Variants in KIF13B observed in about 807,000 individuals in gnomAD.
The protein encoded by KIF13B is kinesin-like protein KIF13B.
Under a neutral mutation model 222.0 loss-of-function variants are expected in KIF13B, and 127 were observed. The ratio of observed to expected loss-of-function variants is 0.57; its 90% CI spans 0.50 to 0.66. The LOEUF (loss-of-function observed/expected upper bound fraction) is 0.66, where lower values mean the gene tolerates loss of function less well. Among genes scored for constraint, KIF13B ranks in the 30% least tolerant of loss-of-function variants. KIF13B has a pLI of 0.00. For synonymous variants in KIF13B, 976 were observed against 919.0 expected, an observed-to-expected ratio of 1.06 and a Z score of -1.12; for missense variants, 2,173 against 2,379.0, an observed-to-expected ratio of 0.91 and a Z score of 1.80.
chr8:29,135,937 G>A (rs1194688526), intron 21 of KIF13B, among the ~76,000 whole-genome samples: 1 of 142,914 alleles, frequency 7.0e-6, no homozygotes, highest in African/African-American at 2.6e-5. Context: ...GAGAAGTATT[G>A]ATGACACACA....
rs1441937748 is a variant in KIF13B at position 29,118,873 on chromosome 8, C to T, written c.3655G>A (p.Gly1219Arg). 1.2e-5 allele frequency: 19 copies of T among 1,613,764 alleles called. No individual in the cohort carries two copies. The highest frequency in any genetic ancestry group is 1.4e-5 in the Non-Finnish European group (17 of 1,179,820). ...FELQIVKQHDGEVKAEASWDS... is the reference protein window; with the variant it reads ...FELQIVKQHDREVKAEASWDS... ...CCAAGTTAGGCTTTCCTTACCTCCC[C>T]ATCATGCTGCTTCACAATCTGCAAT... The change falls in exon 30 of 40, where the codon GGG becomes AGG. Residue 1219 changes from glycine to arginine, a missense_variant. Physicochemically the swap from Gly to Arg is moderately radical, Grantham distance 125 (BLOSUM62 -2). Transcript: ENST00000524189.
chr8:29,125,309 A>G (rs1423097225), intron 26 of KIF13B, among the ~76,000 whole-genome samples: 1 of 152,160 alleles, frequency 6.6e-6, no homozygotes, highest in Non-Finnish European at 1.5e-5. Flanking sequence ...TCCTTTTCTA[A>G]TAAGGTTACA....
intron 5 of KIF13B, 140 bp downstream of exon 5, chr8:29,188,375 G>T (rs547613292): frequency 1.8e-6 from 1 of 550,072 alleles, no homozygotes; most frequent in Non-Finnish European, 3.2e-6. Flanking sequence ...TAATGTTACT[G>T]ACTACTTTCA....
At chr8:29,144,329 C>T (rs536752555) in intron 18 of KIF13B, among the ~76,000 whole-genome samples, 5 of 152,128 alleles carry the variant, frequency 3.3e-5, no homozygotes, top group African/African-American at 1.2e-4. Context: ...GGCCCAATCT[C>T]GGCTCACTGC....
At chr8:29,109,363 A>G in intron 34 of KIF13B, 71 bp downstream of exon 34, 2 of 1,203,664 alleles carry the variant, frequency 1.7e-6, no homozygotes, top group Non-Finnish European at 2.5e-6. Flanking sequence ...CGGGTGGAGA[A>G]GAGTTACCCA....
rs551681642 is a variant in KIF13B at position 29,107,753 on chromosome 8, G to A, written c.4215+386C>T. ...TTTTTTGTATTTTTAGTAGAGACGGGGTTTCACCGTGTTAGCCAGGATGGT... is the reference window on the plus strand; with the variant it reads ...TTTTTTGTATTTTTAGTAGAGACGGAGTTTCACCGTGTTAGCCAGGATGGT... On this transcript the variant is annotated intron_variant, in intron 35 of 39. Coordinates refer to ENST00000524189, the MANE Select transcript of KIF13B (RefSeq NM_015254.4). Among the ~76,000 whole-genome samples, 14 of 151,914 alleles carry A rather than the reference G, an allele frequency of 9.2e-5. No homozygotes were observed. The East Asian group carries it at 2.2e-3, about 23-fold the overall frequency.
chr8:29,155,720 T>C lies in KIF13B; in HGVS notation c.1535+6A>G, dbSNP rs768834557. On this transcript the variant is annotated splice_donor_region_variant and intron_variant, in intron 14 of 39. Transcript: ENST00000524189. ...TGTGATATGAACACTAATTCAAGTATGTTACCTGGTGTTCTTCTGAGGAGT... is the reference window on the plus strand; with the variant it reads ...TGTGATATGAACACTAATTCAAGTACGTTACCTGGTGTTCTTCTGAGGAGT... 4 of 1,601,924 alleles carry C rather than the reference T, an allele frequency of 2.5e-6. No homozygotes were observed. The highest frequency in any genetic ancestry group is 4.5e-5 in the East Asian group (2 of 44,652).
intron 2 of KIF13B, 148 bp from the exon 3 acceptor site, chr8:29,196,347 C>A: frequency 1.4e-6 from 1 of 698,292 alleles, no homozygotes; most frequent in Non-Finnish European, 2.4e-6. Flanking sequence ...CCTTTGAAGC[C>A]ACATAGTAAT....
chr8:29,206,900 C>T (rs923558118), intron 2 of KIF13B, among the ~76,000 whole-genome samples: 6 of 152,134 alleles, frequency 3.9e-5, no homozygotes, highest in African/African-American at 1.2e-4. Flanking sequence ...AGAAGCCTTG[C>T]TGAAAGGACG....
At chr8:29,242,996 T>C (rs890506161) in intron 2 of KIF13B, among the ~76,000 whole-genome samples, 4 of 152,200 alleles carry the variant, frequency 2.6e-5, no homozygotes, top group African/African-American at 9.7e-5. Context: ...TAGAACTAGG[T>C]GATTTCTTGG....
chr8:29,260,246 A>G (rs999982634), intron 1 of KIF13B, among the ~76,000 whole-genome samples: 80 of 152,192 alleles, frequency 5.3e-4, no homozygotes, highest in Non-Finnish European at 2.4e-4. Flanking sequence ...AACTCCAAAC[A>G]CCTAAGCACA....
At position 29,184,584 on chromosome 8, in the gene KIF13B, G is replaced by A. The variant is rs117255513; in HGVS notation, c.497+1708C>T. ...CCTAGATCCTGAGCTATGCAAATCC[G>A]AAGCTCTTCAGAATTCACTGTTAAT... On this transcript the variant is annotated intron_variant, in intron 6 of 39. Coordinates refer to ENST00000524189, the MANE Select transcript of KIF13B (RefSeq NM_015254.4). 4.9e-3 allele frequency among the ~76,000 whole-genome samples: 749 copies of A among 152,264 alleles called. 6 individuals are homozygous for A. Among genetic ancestry groups the A allele is most frequent in the Non-Finnish European group, 7.9e-3 (535 of 68,024 alleles).
chr8:29,182,632 A>G (rs1812759502), intron 6 of KIF13B, among the ~76,000 whole-genome samples: 1 of 151,966 alleles, frequency 6.6e-6, no homozygotes, highest in African/African-American at 2.4e-5. Flanking sequence ...GCAAAGAAGG[A>G]ACTAATAAAC....
At chr8:29,157,683 C>A (rs1034370708) in intron 13 of KIF13B, among the ~76,000 whole-genome samples, 1 of 151,316 alleles carries the variant, frequency 6.6e-6, no homozygotes, top group African/African-American at 2.4e-5. Context: ...CCAGCCTGGG[C>A]GAAAGAGCAA....
intron 13 of KIF13B, among the ~76,000 whole-genome samples, 157 bp from the exon 14 acceptor site, chr8:29,156,013 T>C (rs1056630856): frequency 6.6e-6 from 1 of 152,112 alleles, no homozygotes; most frequent in African/African-American, 2.4e-5. Flanking sequence ...CTATCCCCCA[T>C]GCTGGAAGGC....
intron 2 of KIF13B, among the ~76,000 whole-genome samples, chr8:29,208,859 G>A (rs1814078575): frequency 6.6e-6 from 1 of 152,164 alleles, no homozygotes; most frequent in Non-Finnish European, 1.5e-5. Context: ...CCAGGCCACA[G>A]CCTCGTCTCA....
At chr8:29,188,788 T>C (rs1399617502) in intron 4 of KIF13B, among the ~76,000 whole-genome samples, 181 bp from the exon 5 acceptor site, 3 of 152,222 alleles carry the variant, frequency 2.0e-5, no homozygotes, top group Non-Finnish European at 4.4e-5. Context: ...AGTTAGCACA[T>C]GAGGGAAAAT....
At position 29,099,138 on chromosome 8, in the gene KIF13B, T is replaced by C; in HGVS notation, c.4319A>G (p.Asp1440Gly). Residue 1440 changes from aspartate (D) to glycine (G), a missense_variant, in exon 36 of 40, where the codon GAT becomes GGT. By Grantham distance (94) the Asp-to-Gly change is moderately conservative. Transcript: ENST00000524189. The stretch of plus-strand genomic sequence containing the variant: ...CAAGTGAAAAGATAACTTACCTGGA[T>C]CTGGAGAATGGTTATTTTGGGGAGA... ...SVSPQNNHSP[D>G]PGLSNLAASY... 1.2e-6 allele frequency: 2 copies of C among 1,607,378 alleles called. No individual in the cohort carries two copies. Among genetic ancestry groups the C allele is most frequent in the Non-Finnish European group, 1.7e-6 (2 of 1,173,880 alleles).
Position 29,134,289 on chromosome 8 carries a change from C to T in KIF13B, c.2614-79G>A. The stretch of plus-strand genomic sequence containing the variant: ...TCAGAGTTGCAGGTTCCAGCCCCGG[C>T]TCTGTCACTAACTTAGGTGCTTATG... On this transcript the variant is annotated intron_variant, in intron 21 of 39. Coordinates refer to ENST00000524189, the MANE Select transcript of KIF13B (RefSeq NM_015254.4). The T allele has an allele frequency of 6.6e-6, 9 of 1,365,790 alleles. No homozygotes were observed. In the South Asian group the frequency reaches 8.9e-5, roughly 14 times the overall value. The allele number at this position is 1,365,790 out of a possible 1,614,324, so 84.6% of individuals were successfully genotyped here.
Sources: allele counts gnomAD v4.1 joint callset (sites outside exome capture counted in the v4.1 genomes callset), GRCh38; gene constraint gnomAD v4.1.1; transcripts MANE v1.5; gene names NCBI Gene and HGNC (gene_info 2026-07-23, HGNC 2026-07-21).